Variants in FBXL17 observed in about 807,000 individuals in gnomAD.
FBXL17 encodes F-box and leucine rich repeat protein 17, also known as F-box/LRR-repeat protein 17.
FBXL17 carries 22 observed loss-of-function variants against 66.2 expected under a neutral mutation model. That is an observed-to-expected ratio of 0.33 (90% CI 0.24 to 0.47). The LOEUF (loss-of-function observed/expected upper bound fraction) is 0.47. Ranked by LOEUF, FBXL17 falls within the 20% of genes least tolerant of loss-of-function variation. FBXL17 has a pLI of 1.00. For synonymous variants in FBXL17, 474 were observed against 400.5 expected, an observed-to-expected ratio of 1.18 and a Z score of -2.19; for missense variants, 878 against 948.2, an observed-to-expected ratio of 0.93 and a Z score of 0.97.
chr5:108,084,266 C>T (rs1580419723), intron 6 of FBXL17, among the ~76,000 whole-genome samples: 1 of 152,322 alleles, frequency 6.6e-6, no homozygotes, highest in East Asian at 1.9e-4. Context: ...AACAGCAATG[C>T]TGCTTGTGTA....
intron 6 of FBXL17, among the ~76,000 whole-genome samples, chr5:108,027,045 C>G (rs1259268179): frequency 6.6e-6 from 1 of 152,124 alleles, no homozygotes. Flanking sequence ...CATTGGAGAA[C>G]AGGATTTAGC....
At chr5:108,378,681 G>A (rs527885155) in intron 1 of FBXL17, among the ~76,000 whole-genome samples, 2 of 152,240 alleles carry the variant, frequency 1.3e-5, no homozygotes, top group South Asian at 4.1e-4. Context: ...ATATCTCTTC[G>A]TGGTGTGGCG....
chr5:107,953,402 CAAAAAA>C (rs1166788701), intron 7 of FBXL17, among the ~76,000 whole-genome samples: 2 of 50,602 alleles, frequency 4.0e-5, no homozygotes, highest in African/African-American at 1.5e-4. Flanking sequence ...GACTCTCTCT[CAAAAAA>C]AAAAAAAAAA....
chr5:108,059,035 C>A (rs1313098949), intron 6 of FBXL17, among the ~76,000 whole-genome samples: 2 of 152,250 alleles, frequency 1.3e-5, no homozygotes, highest in South Asian at 4.1e-4. Context: ...CATATATGAC[C>A]ATAGAAAAAG....
chr5:108,362,587 T>C (rs958784514), intron 3 of FBXL17, among the ~76,000 whole-genome samples: 1 of 152,118 alleles, frequency 6.6e-6, no homozygotes, highest in African/African-American at 2.4e-5. Context: ...AATATAAATA[T>C]TTCAGGGTGG....
At chr5:108,276,609 C>A (rs1195999512) in intron 4 of FBXL17, among the ~76,000 whole-genome samples, 2 of 151,986 alleles carry the variant, frequency 1.3e-5, no homozygotes, top group African/African-American at 2.4e-5. Context: ...AAATTTCTTA[C>A]TAAGGAGAAA....
chr5:108,189,844 CT>C (rs1580584698), intron 5 of FBXL17, among the ~76,000 whole-genome samples: 2 of 152,182 alleles, frequency 1.3e-5, no homozygotes, highest in East Asian at 3.9e-4. Flanking sequence ...GGATTGGCCA[CT>C]GGCTGAGGGC....
chr5:108,135,354 C>T (rs1017636596), intron 6 of FBXL17, among the ~76,000 whole-genome samples: 1 of 152,192 alleles, frequency 6.6e-6, no homozygotes, highest in South Asian at 2.1e-4. Flanking sequence ...AATATTTACT[C>T]CCAAGTGCTG....
intron 6 of FBXL17, among the ~76,000 whole-genome samples, chr5:108,184,997 G>A (rs1047796256): frequency 1.3e-5 from 2 of 152,004 alleles, no homozygotes; most frequent in Non-Finnish European, 2.9e-5. Flanking sequence ...AGTAGTGCTA[G>A]CGCTACTCTG....
chr5:108,234,336 C>A (rs1405028549), intron 4 of FBXL17, among the ~76,000 whole-genome samples: 2 of 152,192 alleles, frequency 1.3e-5, no homozygotes, highest in African/African-American at 4.8e-5. Flanking sequence ...TAAGTCCTCT[C>A]TATCCATCAT....
At chr5:107,876,818 C>T (rs1252528781) in intron 8 of FBXL17, among the ~76,000 whole-genome samples, 1 of 152,166 alleles carries the variant, frequency 6.6e-6, no homozygotes, top group East Asian at 1.9e-4. Flanking sequence ...CTAGAATTCA[C>T]TGAAGTCACA....
chr5:108,246,397 G>C (rs1756098508), intron 4 of FBXL17, among the ~76,000 whole-genome samples: 1 of 152,112 alleles, frequency 6.6e-6, no homozygotes, highest in Admixed American at 6.6e-5. Flanking sequence ...CACACCTGTA[G>C]TTCCAGGTGC....
intron 4 of FBXL17, among the ~76,000 whole-genome samples, chr5:108,250,362 A>G (rs1445490978): frequency 6.6e-6 from 1 of 152,152 alleles, no homozygotes; most frequent in Admixed American, 6.6e-5. Context: ...TTAATGACCA[A>G]TTGGCTTTAG....
chr5:108,380,795 G>A lies in FBXL17; in HGVS notation c.897C>T (p.Asp299=). Residue 299 remains aspartate, a synonymous_variant, in exon 1 of 9, where the codon GAC becomes GAT. Coordinates refer to ENST00000542267, the MANE Select transcript of FBXL17 (RefSeq NM_001163315.3). ...AGGGGTTTTCGGGGGACTCCCGACA[G>A]TCCGCGTCGCCACATTCATGCTGCT... ...AQQQHECGDA[D]CRESPENPCD... 4 of 1,248,032 alleles carry A rather than the reference G, an allele frequency of 3.2e-6. No individual in the cohort carries two copies. Among genetic ancestry groups the A allele is most frequent in the Non-Finnish European group, 4.0e-6 (4 of 987,948 alleles). 77.3% of individuals were successfully genotyped at this position (1,248,032 alleles called of 1,614,324 possible). A position where few individuals can be genotyped will look rare whatever the true frequency, so the allele number is the denominator to read the frequency against.
intron 6 of FBXL17, among the ~76,000 whole-genome samples, chr5:108,089,076 T>TA (rs1749089869): frequency 6.6e-6 from 1 of 152,228 alleles, no homozygotes; most frequent in Non-Finnish European, 1.5e-5. Context: ...TCTCCCCATA[T>TA]TCAAATCCAT....
chr5:108,230,794 G>A (rs1198717691), intron 4 of FBXL17, among the ~76,000 whole-genome samples: 1 of 147,388 alleles, frequency 6.8e-6, no homozygotes, highest in Non-Finnish European at 1.5e-5. Flanking sequence ...GACTTTGGGG[G>A]AAGGGTTGGG....
chr5:108,126,664 C>CTCTCTCTCT (rs1561423141), intron 6 of FBXL17, among the ~76,000 whole-genome samples: 10 of 107,968 alleles, frequency 9.3e-5, no homozygotes, highest in South Asian at 6.6e-4. Flanking sequence ...TATATATATA[C>CTCTCTCTCT]ATATATATAT....
intron 6 of FBXL17, among the ~76,000 whole-genome samples, chr5:108,157,423 T>C (rs1017252193): frequency 6.6e-6 from 1 of 151,916 alleles, no homozygotes. Flanking sequence ...CATGTCAAGG[T>C]ATCTCTTACA....
chr5:108,114,548 G>A (rs767532016), intron 6 of FBXL17, among the ~76,000 whole-genome samples: 1 of 152,176 alleles, frequency 6.6e-6, no homozygotes. Context: ...TTGTGATGGT[G>A]TAGGATACTA....
Sources: allele counts gnomAD v4.1 joint callset (sites outside exome capture counted in the v4.1 genomes callset), GRCh38; gene constraint gnomAD v4.1.1; transcripts MANE v1.5; gene names NCBI Gene and HGNC (gene_info 2026-07-23, HGNC 2026-07-21).